BMP2K: variants seen among roughly 807,000 people sequenced by gnomAD.
BMP2K encodes BMP-2-inducible protein kinase.
In BMP2K, 74 loss-of-function variants were observed where a neutral mutation model predicts 116.0. That is an observed-to-expected ratio of 0.64 (90% CI 0.53 to 0.77). The LOEUF (loss-of-function observed/expected upper bound fraction) is 0.77. Among genes scored for constraint, BMP2K ranks in the 30% least tolerant of loss-of-function variants. BMP2K has a pLI of 0.00. For synonymous variants in BMP2K, 486 were observed against 502.5 expected (o/e 0.97, Z 0.44); for missense variants, 1,365 against 1,403.6 (o/e 0.97, Z 0.44).
intron 1 of BMP2K, among the ~76,000 whole-genome samples, chr4:78,816,077 A>G (rs1273002938): frequency 6.6e-6 from 1 of 152,152 alleles, no homozygotes; most frequent in Non-Finnish European, 1.5e-5. Flanking sequence ...TTTTCTAGTT[A>G]TCTTGTATAG....
intron 3 of BMP2K, among the ~76,000 whole-genome samples, chr4:78,841,653 C>T (rs72660904): frequency 0.052 from 7,936 of 152,142 alleles, 268 homozygotes; most frequent in Non-Finnish European, 0.075. Flanking sequence ...GTCTGCCTTG[C>T]CAGTCTCATC....
intron 9 of BMP2K, among the ~76,000 whole-genome samples, chr4:78,864,865 CTTTT>C (rs893159869): frequency 4.0e-5 from 6 of 151,684 alleles, no homozygotes; most frequent in Non-Finnish European, 7.4e-5. Context: ...AATATTTTAC[CTTTT>C]TTGTTTTTTA....
intron 6 of BMP2K, among the ~76,000 whole-genome samples, chr4:78,850,546 T>C (rs952726436): frequency 1.3e-5 from 2 of 151,912 alleles, no homozygotes; most frequent in African/African-American, 4.8e-5. Flanking sequence ...TAAACATGCT[T>C]TATAGTGAAT....
chr4:78,911,570 T>G lies in BMP2K; in HGVS notation c.3023T>G (p.Leu1008Trp). 6.2e-7 allele frequency: 1 copy of G among 1,614,000 alleles called. No individual in the cohort carries two copies. Residue 1008 changes from leucine (L) to tryptophan (W), a missense_variant, in exon 16 of 16, where the codon TTG becomes TGG. Coordinates refer to ENST00000502613, the MANE Select transcript of BMP2K (RefSeq NM_198892.2). ...ACGCCAACTAGCACAAAGAAGACTT[T>G]GAAGCCTACCTATCGCACTCCAGAG... The part of the protein sequence containing the change: ...HGTPTSTKKT[L>W]KPTYRTPERA...
chr4:78,831,615 CTT>C (rs1373881041), intron 2 of BMP2K, among the ~76,000 whole-genome samples: 1 of 152,158 alleles, frequency 6.6e-6, no homozygotes, highest in African/African-American at 2.4e-5. Context: ...TTGTTTTTCA[CTT>C]TTAATATCAT....
intron 1 of BMP2K, among the ~76,000 whole-genome samples, chr4:78,818,770 C>T (rs545069484): frequency 1.3e-5 from 2 of 151,004 alleles, no homozygotes; most frequent in East Asian, 3.9e-4. Flanking sequence ...TTAACTCTAA[C>T]CTTCGTAAGA....
Position 78,847,211 on chromosome 4 carries a change from C to T in BMP2K, c.692C>T (p.Ala231Val). 6.3e-7 allele frequency: 1 copy of T among 1,584,284 alleles called. No homozygotes were observed. The highest frequency in any genetic ancestry group is 8.6e-7 in the Non-Finnish European group (1 of 1,163,776). The change falls in exon 6 of 16, where the codon GCC (alanine) becomes GTC (valine). Residue 231 changes from alanine (A) to valine (V), a missense_variant. Transcript: ENST00000502613. ...IKKYTTLSYR[A>V]PEMINLYGGK... The stretch of plus-strand genomic sequence containing the variant: ...AGGTATACAACTCTGTCATACAGAG[C>T]CCCTGAAATGATCAACCTTTATGGA...
chr4:78,832,367 G>T (rs1213185267), intron 2 of BMP2K, among the ~76,000 whole-genome samples: 1 of 152,080 alleles, frequency 6.6e-6, no homozygotes, highest in African/African-American at 2.4e-5. Context: ...CTAAGAGGGG[G>T]ATTTCTTATT....
intron 3 of BMP2K, among the ~76,000 whole-genome samples, chr4:78,841,173 T>G (rs1312697569): frequency 6.6e-6 from 1 of 152,186 alleles, no homozygotes; most frequent in Non-Finnish European, 1.5e-5. Context: ...AAGACAAGAT[T>G]GCTTAGACAG....
At chr4:78,860,108 G>A in intron 8 of BMP2K, 1 of 507,854 alleles carries the variant, frequency 2.0e-6, no homozygotes, top group Non-Finnish European at 3.9e-6. Context: ...GGTATAAAGA[G>A]CACAGGCCTT....
chr4:78,837,133 T>C (rs1473949688), intron 3 of BMP2K, among the ~76,000 whole-genome samples: 1 of 152,070 alleles, frequency 6.6e-6, no homozygotes, highest in African/African-American at 2.4e-5. Flanking sequence ...TTCCTCTATC[T>C]TTTAGCTCTT....
chr4:78,777,824 G>A (rs1176465824), intron 1 of BMP2K, among the ~76,000 whole-genome samples: 1 of 152,174 alleles, frequency 6.6e-6, no homozygotes, highest in African/African-American at 2.4e-5. Flanking sequence ...GAAAAAACCT[G>A]AAGATTTTTG....
chr4:78,871,182 C>T, intron 11 of BMP2K, 122 bp downstream of exon 11: 1 of 1,474,594 alleles, frequency 6.8e-7, no homozygotes, highest in Non-Finnish European at 9.1e-7. Context: ...AACACTTTCC[C>T]CAATTTTCTA....
intron 1 of BMP2K, among the ~76,000 whole-genome samples, 197 bp downstream of exon 1, chr4:78,776,918 G>A (rs1727278866): frequency 1.3e-5 from 2 of 152,112 alleles, no homozygotes; most frequent in South Asian, 4.1e-4. Flanking sequence ...TGCCCCGGCC[G>A]GTGCACAGTT....
At chr4:78,893,528 A>G (rs1347848602) in intron 15 of BMP2K, among the ~76,000 whole-genome samples, 1 of 152,212 alleles carries the variant, frequency 6.6e-6, no homozygotes, top group African/African-American at 2.4e-5. Flanking sequence ...AGAATTCACT[A>G]TCTGTAACAG....
At chr4:78,849,954 G>C (rs2110031910) in intron 6 of BMP2K, among the ~76,000 whole-genome samples, 1 of 151,714 alleles carries the variant, frequency 6.6e-6, no homozygotes, top group Admixed American at 6.6e-5. Context: ...TTGATATGTG[G>C]AGAAAATTTA....
chr4:78,890,008 G>C (rs183296966), intron 15 of BMP2K, among the ~76,000 whole-genome samples: 1 of 152,120 alleles, frequency 6.6e-6, no homozygotes, highest in African/African-American at 2.4e-5. Flanking sequence ...TATTTTGAAA[G>C]AAAAAGTTTC....
chr4:78,830,205 G>A (rs1291615206), intron 2 of BMP2K, among the ~76,000 whole-genome samples: 1 of 152,058 alleles, frequency 6.6e-6, no homozygotes, highest in East Asian at 1.9e-4. Flanking sequence ...GTACATTTCC[G>A]TCAGAGCTCA....
intron 14 of BMP2K, among the ~76,000 whole-genome samples, chr4:78,881,437 C>G (rs1031349608): frequency 6.6e-6 from 1 of 151,960 alleles, no homozygotes; most frequent in African/African-American, 2.4e-5. Context: ...ACTCATTGTT[C>G]AGTGACTATT....
Sources: allele counts gnomAD v4.1 joint callset (sites outside exome capture counted in the v4.1 genomes callset), GRCh38; gene constraint gnomAD v4.1.1; transcripts MANE v1.5; gene names NCBI Gene and HGNC (gene_info 2026-07-23, HGNC 2026-07-21).